NHSL3: variants seen among roughly 807,000 people sequenced by gnomAD.
The protein encoded by NHSL3 is NHS-like protein 3.
the NHSL3 span, chr1:32,772,166 A>G: frequency 9.3e-6 from 15 of 1,613,240 alleles, no homozygotes; most frequent in Non-Finnish European, 1.3e-5. Flanking sequence ...GCTGACCTCC[A>G]GCGGAATCTG....
At chr1:32,772,493 G>A in the NHSL3 span, 1 of 1,504,072 alleles carries the variant, frequency 6.6e-7, no homozygotes, top group Non-Finnish European at 8.9e-7. Flanking sequence ...TGGGAAGTAG[G>A]AATCTGAAGT....
chr1:32,759,064 C>G, the NHSL3 span, among the ~76,000 whole-genome samples: 399 of 152,270 alleles, frequency 2.6e-3, 1 homozygote, highest in African/African-American at 9.2e-3. Context: ...ATAGGAAGAA[C>G]ATGATTTTGC....
At chr1:32,748,219 C>T in the NHSL3 span, among the ~76,000 whole-genome samples, 1 of 152,144 alleles carries the variant, frequency 6.6e-6, no homozygotes, top group South Asian at 2.1e-4. Flanking sequence ...GCGGAGGCTG[C>T]AGTGAACTGA....
At chr1:32,770,088 C>A in the NHSL3 span, 2 of 1,557,906 alleles carry the variant, frequency 1.3e-6, no homozygotes, top group Non-Finnish European at 1.7e-6. This position sits in a 1 kb window ranked among gnomAD's most constrained non-coding sequence, Gnocchi z 8.3. Flanking sequence ...ACCGGGATGA[C>A]ACCTTTGTTG....
chr1:32,762,706 C>T, the NHSL3 span, among the ~76,000 whole-genome samples: 1 of 152,158 alleles, frequency 6.6e-6, no homozygotes. Flanking sequence ...TTTCCTGCCT[C>T]AGCCTCCCAA....
At chr1:32,746,214 G>C in the NHSL3 span, among the ~76,000 whole-genome samples, 2 of 138,526 alleles carry the variant, frequency 1.4e-5, no homozygotes, top group Non-Finnish European at 3.0e-5. Context: ...CTGGGCGACA[G>C]AGCGAGACTC....
chr1:32,768,199 C>A, the NHSL3 span: 1 of 995,208 alleles, frequency 1.0e-6, no homozygotes, highest in South Asian at 1.3e-5. Context: ...ATTTCTGGGT[C>A]TCAGTTTCTT....
chr1:32,742,054 C>G, the NHSL3 span: 2 of 1,262,040 alleles, frequency 1.6e-6, no homozygotes, highest in East Asian at 3.2e-5. Context: ...CGCGTCCGGC[C>G]TCCGCCGCGC....
the NHSL3 span, chr1:32,772,022 C>T: frequency 6.2e-7 from 1 of 1,604,618 alleles, no homozygotes; most frequent in South Asian, 1.1e-5. Flanking sequence ...GAAGGCCTCT[C>T]AAGTGCTCAG....
the NHSL3 span, chr1:32,753,997 G>T: frequency 2.4e-6 from 1 of 411,716 alleles, no homozygotes; most frequent in Non-Finnish European, 4.4e-6. Flanking sequence ...GTGCCCGCCC[G>T]CGAGTCTCGC....
At chr1:32,768,815 TG>T in the NHSL3 span, 1 of 1,603,698 alleles carries the variant, frequency 6.2e-7, no homozygotes, top group African/African-American at 1.3e-5. Context: ...TGGGCTCCAT[TG>T]GGTCCCAGCA....
chr1:32,771,611 T>A, the NHSL3 span: 1 of 1,613,002 alleles, frequency 6.2e-7, no homozygotes, highest in Non-Finnish European at 8.5e-7. Context: ...TCCCCAGAGC[T>A]TGTCAGCTCC....
the NHSL3 span, among the ~76,000 whole-genome samples, chr1:32,747,883 G>A: frequency 2.0e-5 from 3 of 151,946 alleles, no homozygotes; most frequent in Non-Finnish European, 4.4e-5. Flanking sequence ...AAGGCGGGAG[G>A]GGATCACCTG....
chr1:32,767,857 T>C, the NHSL3 span: 1 of 1,613,956 alleles, frequency 6.2e-7, no homozygotes, highest in Non-Finnish European at 8.5e-7. Context: ...CTGCAGTGGA[T>C]GAGCACCAGG....
chr1:32,760,056 G>T, the NHSL3 span, among the ~76,000 whole-genome samples: 3 of 152,226 alleles, frequency 2.0e-5, no homozygotes, highest in African/African-American at 4.8e-5. Flanking sequence ...TCTAGAATGT[G>T]TAATGGTTGG....
chr1:32,755,578 G>C, the NHSL3 span, among the ~76,000 whole-genome samples: 1 of 152,114 alleles, frequency 6.6e-6, no homozygotes, highest in South Asian at 2.1e-4. Flanking sequence ...TGAAATCAGG[G>C]GCCCTAGGTG....
the NHSL3 span, among the ~76,000 whole-genome samples, chr1:32,758,960 A>G: frequency 6.6e-6 from 1 of 152,134 alleles, no homozygotes; most frequent in Non-Finnish European, 1.5e-5. Context: ...AGCTGATGTC[A>G]AGTGTTCCTT....
the NHSL3 span, among the ~76,000 whole-genome samples, chr1:32,743,089 T>G: frequency 6.6e-6 from 1 of 152,222 alleles, no homozygotes; most frequent in African/African-American, 2.4e-5. Flanking sequence ...CTTCCCTCAT[T>G]TTCCAGTTTC....
chr1:32,753,356 G>A, the NHSL3 span, among the ~76,000 whole-genome samples: 3 of 151,720 alleles, frequency 2.0e-5, no homozygotes, highest in East Asian at 4.0e-4. Context: ...ATGGTGGTGC[G>A]CACCTGTAGT....
Sources: allele counts gnomAD v4.1 joint callset (sites outside exome capture counted in the v4.1 genomes callset), GRCh38; gene constraint gnomAD v4.1.1; non-coding constraint Gnocchi (gnomAD v3.1); transcripts MANE v1.5; gene names NCBI Gene and HGNC (gene_info 2026-07-23, HGNC 2026-07-21).